Variants in DIP2C observed in about 807,000 individuals in gnomAD.
DIP2C encodes the protein DIP2 acetate--CoA ligase C (putative).
In DIP2C, 33 loss-of-function variants were observed where a neutral mutation model predicts 192.4. The ratio of observed to expected loss-of-function variants is 0.17; its 90% CI spans 0.13 to 0.23. The LOEUF is 0.23. Ranked by LOEUF, DIP2C falls within the 10% of genes least tolerant of loss-of-function variation. DIP2C has a pLI of 1.00. For missense variants in DIP2C, 1,537 were observed against 2,110.1 expected (o/e 0.73, Z 5.32); for synonymous variants, 979 against 864.1 (o/e 1.13, Z -2.33).
chr10:465,746 A>G (rs1970145572), intron 3 of DIP2C, among the ~76,000 whole-genome samples: 1 of 151,780 alleles, frequency 6.6e-6, no homozygotes, highest in African/African-American at 2.4e-5. Flanking sequence ...CACCAACAGC[A>G]GACAAACAGA....
chr10:358,256 A>G (rs1959171478), intron 22 of DIP2C, among the ~76,000 whole-genome samples: 1 of 151,668 alleles, frequency 6.6e-6, no homozygotes. Flanking sequence ...AAAAAATAAA[A>G]CGGAAGACAC....
chr10:301,846 T>C (rs1956066871), intron 32 of DIP2C, among the ~76,000 whole-genome samples: 1 of 152,196 alleles, frequency 6.6e-6, no homozygotes, highest in African/African-American at 2.4e-5. Context: ...GTGGGAGCAG[T>C]GCAAACCAGA....
rs375935381 is a variant in DIP2C at position 419,168 on chromosome 10, C to T, written c.636G>A (p.Thr212=). ...ENHSAPPDVT[T]YTSEHSIQVE... is the part of the protein sequence containing the mutation. ...CCTGTATCGAGTGCTCTGAGGTGTA[C>T]GTGGTTACGTCAGGAGGTGCAGAAT... The change falls in exon 6 of 37, where the codon ACG becomes ACA. Residue 212 remains threonine, a synonymous_variant. Coordinates refer to ENST00000280886, the MANE Select transcript of DIP2C (RefSeq NM_014974.3). The T allele has an allele frequency of 9.9e-6, 16 of 1,614,226 alleles. No individual in the cohort carries two copies. The African/African-American group carries it at 1.6e-4, about 16-fold the overall frequency.
chr10:479,127 C>T (rs568983125), intron 2 of DIP2C, among the ~76,000 whole-genome samples: 3 of 152,344 alleles, frequency 2.0e-5, no homozygotes, highest in East Asian at 3.9e-4. Context: ...GTCTCAATTA[C>T]ATGCTCTTGT....
chr10:341,170 TA>T lies in DIP2C; in HGVS notation c.3584+28del, dbSNP rs1414404471. 3 of 1,613,454 alleles carry T rather than the reference TA, an allele frequency of 1.9e-6. No homozygotes were observed. In the African/African-American group the frequency reaches 4.0e-5, roughly 22 times the overall value. On this transcript the variant is annotated intron_variant, in intron 29 of 36. Coordinates refer to ENST00000280886, the MANE Select transcript of DIP2C (RefSeq NM_014974.3). ...GGAGAGGAAGGTGCATGATTTTTTTTAATGTAAAGATATAGAGAGGCATCTT... is the reference window on the plus strand; with the variant it reads ...GGAGAGGAAGGTGCATGATTTTTTTTATGTAAAGATATAGAGAGGCATCTT...
chr10:435,378 C>T (rs1396027406), intron 4 of DIP2C, among the ~76,000 whole-genome samples: 1 of 152,198 alleles, frequency 6.6e-6, no homozygotes, highest in Non-Finnish European at 1.5e-5. Flanking sequence ...GGGGATTCTT[C>T]CCTGATATTT....
chr10:592,834 C>T (rs897718085), intron 1 of DIP2C, among the ~76,000 whole-genome samples: 5 of 151,498 alleles, frequency 3.3e-5, no homozygotes, highest in South Asian at 2.1e-4. Flanking sequence ...ATGTACGAGC[C>T]GTCCCTGCTC....
intron 28 of DIP2C, among the ~76,000 whole-genome samples, chr10:342,402 C>A (rs1157156960): frequency 1.3e-5 from 2 of 152,208 alleles, no homozygotes; most frequent in East Asian, 3.8e-4. Flanking sequence ...TCGTGATCCA[C>A]CCGCCTCGGC....
intron 29 of DIP2C, among the ~76,000 whole-genome samples, chr10:335,296 T>C (rs1050944644): frequency 3.3e-5 from 5 of 152,254 alleles, no homozygotes; most frequent in Non-Finnish European, 5.9e-5. Flanking sequence ...GATTATCTAA[T>C]GGTGAATCAC....
intron 4 of DIP2C, among the ~76,000 whole-genome samples, chr10:429,706 T>C (rs1423131581): frequency 6.6e-6 from 1 of 151,802 alleles, no homozygotes; most frequent in African/African-American, 2.4e-5. Context: ...TGTCTTTCTA[T>C]GGAGAGCTCA....
intron 1 of DIP2C, among the ~76,000 whole-genome samples, chr10:627,974 AC>A (rs1588633731): frequency 6.6e-6 from 1 of 152,238 alleles, no homozygotes; most frequent in African/African-American, 2.4e-5. Flanking sequence ...TTACCGGGGT[AC>A]TAAAATGCAG....
At chr10:660,689 G>A (rs1205415947) in intron 1 of DIP2C, among the ~76,000 whole-genome samples, 1 of 152,150 alleles carries the variant, frequency 6.6e-6, no homozygotes, top group East Asian at 1.9e-4. Flanking sequence ...TATAAGAGAT[G>A]GGTATAAAGA....
chr10:682,092 C>T (rs924046924), intron 1 of DIP2C, among the ~76,000 whole-genome samples: 3 of 152,222 alleles, frequency 2.0e-5, no homozygotes, highest in African/African-American at 7.2e-5. Flanking sequence ...CTTTGCTGGT[C>T]TGCTGACCAT....
intron 1 of DIP2C, among the ~76,000 whole-genome samples, chr10:605,495 A>G (rs987935071): frequency 1.3e-5 from 2 of 152,220 alleles, no homozygotes; most frequent in Non-Finnish European, 2.9e-5. Context: ...CGCACCACAT[A>G]AACTGTTACT....
At chr10:509,411 A>C (rs1185872870) in intron 1 of DIP2C, among the ~76,000 whole-genome samples, 1 of 152,188 alleles carries the variant, frequency 6.6e-6, no homozygotes, top group Non-Finnish European at 1.5e-5. Flanking sequence ...CCCTGGATCC[A>C]TCCGCGCTGC....
At chr10:565,364 A>AG (rs1554737805) in intron 1 of DIP2C, among the ~76,000 whole-genome samples, 2 of 151,712 alleles carry the variant, frequency 1.3e-5, no homozygotes, top group Non-Finnish European at 2.9e-5. Context: ...TAAAAAAAAA[A>AG]AAAAAAAGAC....
chr10:291,353 A>T (rs1333626380), intron 32 of DIP2C, among the ~76,000 whole-genome samples: 1 of 152,252 alleles, frequency 6.6e-6, no homozygotes, highest in Non-Finnish European at 1.5e-5. Context: ...AAACAGGCAC[A>T]GGGTGCTAAA....
intron 1 of DIP2C, chr10:665,999 C>T (rs1350046020): frequency 6.6e-6 from 1 of 152,164 alleles, no homozygotes; most frequent in East Asian, 1.9e-4. Context: ...GCTCTAACTT[C>T]TCAGCGCTGG....
intron 9 of DIP2C, among the ~76,000 whole-genome samples, chr10:399,742 CAT>C (rs763842249): frequency 6.6e-6 from 1 of 152,192 alleles, no homozygotes; most frequent in Admixed American, 6.5e-5. Context: ...AGAGAATGCA[CAT>C]AGAGAACTCA....
Sources: gnomAD v4.1 joint callset for allele counts (sites outside exome capture counted in the v4.1 genomes callset) on GRCh38, gnomAD v4.1.1 for gene constraint, MANE v1.5 for transcripts, NCBI Gene and HGNC (gene_info 2026-07-23, HGNC 2026-07-21) for gene names.